The following C3orf70 variants were observed in gnomAD, a reference collection of about 807,000 sequenced individuals.
The protein encoded by C3orf70 is chromosome 3 open reading frame 70, also known as UPF0524 protein C3orf70.
A neutral mutation model predicts 20.7 loss-of-function variants in C3orf70; 15 were observed. That is an observed-to-expected ratio of 0.72 (90% CI 0.48 to 1.11). C3orf70 has a LOEUF of 1.11. Ranked by LOEUF, C3orf70 falls within the 50% of genes most tolerant of loss-of-function variation. The pLI is 0.00. For synonymous variants in C3orf70, 161 were observed against 125.7 expected (o/e 1.28, Z -1.88); for missense variants, 332 against 317.6 (o/e 1.05, Z -0.34).
At chr3:185,099,832 G>A (rs1318386159) in intron 1 of C3orf70, among the ~76,000 whole-genome samples, 1 of 152,128 alleles carries the variant, frequency 6.6e-6, no homozygotes, top group East Asian at 1.9e-4. Context: ...CACATGCAAT[G>A]ACACCTACAG....
Position 185,082,451 on chromosome 3 carries a change from T to G in C3orf70, c.*556A>C, listed in dbSNP as rs956350696. 6.4e-6 allele frequency: 1 copy of G among 155,060 alleles called. No individual in the cohort carries two copies. Among genetic ancestry groups the G allele is most frequent in the Non-Finnish European group, 1.4e-5 (1 of 69,994 alleles). 9.6% of individuals were successfully genotyped at this position (155,060 alleles called of 1,614,324 possible). On this transcript the variant is annotated 3_prime_UTR_variant, in exon 2 of 2. Coordinates refer to ENST00000335012, the MANE Select transcript of C3orf70 (RefSeq NM_001025266.3). ...AACCATGGGCTGAGCTGGCCTCCAG[T>G]GACCTCCCAGAAGTAAGCCGAGGCA...
In C3orf70 at chr3:185,099,830, A is replaced by G. The variant is rs543726097; in HGVS notation, c.197-16267T>C. On this transcript the variant is annotated intron_variant, in intron 1 of 1. Coordinates refer to ENST00000335012, the MANE Select transcript of C3orf70 (RefSeq NM_001025266.3). ...CTTCAAGAGACCCATCTCACATGCAATGACACCTACAGGCTCAAAATAAAG... is the reference window on the plus strand; with the variant it reads ...CTTCAAGAGACCCATCTCACATGCAGTGACACCTACAGGCTCAAAATAAAG... Among the ~76,000 whole-genome samples the G allele has an allele frequency of 2.6e-5, 4 of 152,306 alleles. No individual in the cohort carries two copies. The South Asian group carries it at 6.2e-4, about 24-fold the overall frequency.
At chr3:185,092,955 C>T (rs1475827615) in intron 1 of C3orf70, among the ~76,000 whole-genome samples, 1 of 148,692 alleles carries the variant, frequency 6.7e-6, no homozygotes, top group African/African-American at 2.5e-5. Flanking sequence ...CGTGCTACTG[C>T]ACTCTAGCCT....
At chr3:185,117,222 A>C (rs952195832) in intron 1 of C3orf70, among the ~76,000 whole-genome samples, 1 of 152,158 alleles carries the variant, frequency 6.6e-6, no homozygotes, top group African/African-American at 2.4e-5. Flanking sequence ...CAATCTAGGA[A>C]TTTCCCAATT....
intron 1 of C3orf70, among the ~76,000 whole-genome samples, chr3:185,127,632 G>T (rs919972770): frequency 2.6e-5 from 4 of 151,934 alleles, no homozygotes; most frequent in African/African-American, 9.7e-5. Context: ...TAGAGATGAG[G>T]TTTCCCCATG....
At chr3:185,115,405 T>G (rs1716155107) in intron 1 of C3orf70, among the ~76,000 whole-genome samples, 1 of 152,166 alleles carries the variant, frequency 6.6e-6, no homozygotes, top group South Asian at 2.1e-4. Flanking sequence ...TCTGTCAGCA[T>G]TTATTGGGAC....
At chr3:185,123,541 C>T (rs1487279934) in intron 1 of C3orf70, among the ~76,000 whole-genome samples, 4 of 149,520 alleles carry the variant, frequency 2.7e-5, no homozygotes, top group Admixed American at 6.7e-5. Flanking sequence ...GGTCTCACTA[C>T]GTTGTCAAGA....
chr3:185,149,500 C>A (rs1290253188), intron 1 of C3orf70, among the ~76,000 whole-genome samples: 1 of 151,614 alleles, frequency 6.6e-6, no homozygotes, highest in Non-Finnish European at 1.5e-5. Context: ...CAGCTGTATT[C>A]ATATTTTTAT....
intron 1 of C3orf70, among the ~76,000 whole-genome samples, chr3:185,085,748 G>A (rs747143059): frequency 6.6e-6 from 1 of 151,850 alleles, no homozygotes; most frequent in Non-Finnish European, 1.5e-5. Context: ...CCTAAGCACT[G>A]TGGACACTAT....
chr3:185,088,106 T>A (rs1715495549), intron 1 of C3orf70, among the ~76,000 whole-genome samples: 1 of 152,056 alleles, frequency 6.6e-6, no homozygotes, highest in African/African-American at 2.4e-5. Context: ...GGACGGAGTT[T>A]CTTCACATTA....
intron 1 of C3orf70, among the ~76,000 whole-genome samples, chr3:185,137,024 G>A (rs563255717): frequency 6.6e-6 from 1 of 152,290 alleles, no homozygotes; most frequent in Admixed American, 6.5e-5. Context: ...CCTCTGATAT[G>A]GTTTGGTTGT....
At chr3:185,140,402 A>G (rs930400258) in intron 1 of C3orf70, among the ~76,000 whole-genome samples, 2 of 152,228 alleles carry the variant, frequency 1.3e-5, no homozygotes, top group African/African-American at 4.8e-5. Context: ...AGGAGAAAAG[A>G]CATGGATAGA....
chr3:185,095,047 A>C (rs527989446), intron 1 of C3orf70, among the ~76,000 whole-genome samples: 10 of 152,348 alleles, frequency 6.6e-5, no homozygotes, highest in Middle Eastern at 3.4e-3. Context: ...TACTGTTGTT[A>C]CAAGGAGAGA....
intron 1 of C3orf70, among the ~76,000 whole-genome samples, chr3:185,104,165 A>C (rs1715878417): frequency 6.6e-6 from 1 of 152,172 alleles, no homozygotes. Context: ...TCTTTTGCTT[A>C]TTAAACTTTC....
At chr3:185,094,074 G>GTTTTTTTT (rs71162282) in intron 1 of C3orf70, among the ~76,000 whole-genome samples, 36 of 80,638 alleles carry the variant, frequency 4.5e-4, no homozygotes, top group Admixed American at 5.4e-4. Context: ...ATACCCTGGG[G>GTTTTTTTT]TTTTTTTTTT....
chr3:185,115,867 T>TCATAACGGCA (rs1243718337), intron 1 of C3orf70, among the ~76,000 whole-genome samples: 1 of 152,218 alleles, frequency 6.6e-6, no homozygotes, highest in Non-Finnish European at 1.5e-5. Context: ...GGAGTCACTT[T>TCATAACGGCA]CATAACGGCA....
chr3:185,113,760 C>T (rs901393519), intron 1 of C3orf70, among the ~76,000 whole-genome samples: 4 of 152,036 alleles, frequency 2.6e-5, no homozygotes, highest in African/African-American at 9.7e-5. Flanking sequence ...GTGCCAGAGA[C>T]AGAGCTATGT....
intron 1 of C3orf70, among the ~76,000 whole-genome samples, chr3:185,129,588 GC>G (rs1716487848): frequency 6.6e-6 from 1 of 152,190 alleles, no homozygotes; most frequent in African/African-American, 2.4e-5. Context: ...TGGTGGGACT[GC>G]TGGGTCAAAT....
At chr3:185,141,175 C>G (rs1485174513) in intron 1 of C3orf70, among the ~76,000 whole-genome samples, 1 of 152,068 alleles carries the variant, frequency 6.6e-6, no homozygotes, top group African/African-American at 2.4e-5. Context: ...GCCACCCAGT[C>G]TCTGGTACTT....
Sources: allele counts gnomAD v4.1 joint callset (sites outside exome capture counted in the v4.1 genomes callset), GRCh38; gene constraint gnomAD v4.1.1; transcripts MANE v1.5; gene names NCBI Gene and HGNC (gene_info 2026-07-23, HGNC 2026-07-21).